The following OXNAD1 variants were observed in gnomAD, a reference collection of about 807,000 sequenced individuals.
OXNAD1 encodes the protein oxidoreductase NAD binding domain containing 1, also known as oxidoreductase NAD-binding domain-containing protein 1.
OXNAD1 carries 34 observed loss-of-function variants against 32.9 expected under a neutral mutation model. The observed-to-expected ratio is 1.03, with a 90% confidence interval of 0.79 to 1.38. OXNAD1 has a LOEUF of 1.38. OXNAD1 is among the 40% of genes most tolerant of loss of function. OXNAD1 has a pLI of 0.00. For missense variants in OXNAD1, 407 were observed against 379.4 expected (o/e 1.07, Z -0.60); for synonymous variants, 134 against 135.2 (o/e 0.99, Z 0.06).
At position 16,342,411 on chromosome 3, in the gene OXNAD1, A is replaced by G. The variant is rs1313194235; in HGVS notation, c.*31-6765A>G. Among the ~76,000 whole-genome samples, 1 of 152,244 alleles carries G rather than the reference A, an allele frequency of 6.6e-6. No homozygotes were observed. The highest frequency in any genetic ancestry group is 6.5e-5 in the Admixed American group (1 of 15,284). Reference sequence around the variant, plus strand: ...CAAAATAATATTCCATCATATGGATATACCATAGTTTATTCATCATTTGAT... The same window carrying G: ...CAAAATAATATTCCATCATATGGATGTACCATAGTTTATTCATCATTTGAT... On this transcript the variant is annotated intron_variant, in intron 9 of 9. Coordinates refer to the OXNAD1 transcript ENST00000606098. This position sits in a 1 kb window ranked among gnomAD's most constrained non-coding sequence, Gnocchi z 4.0.
At chr3:16,350,492 CTTT>C (rs11324617), downstream of OXNAD1, among the ~76,000 whole-genome samples, 5 of 146,542 alleles carry the variant, frequency 3.4e-5, no homozygotes, top group South Asian at 2.2e-4. Context: ...AGATGAATCA[CTTT>C]TTTTTTTTTT....
At position 16,270,181 on chromosome 3, in the gene OXNAD1, C is replaced by T. The variant is rs1192480388; in HGVS notation, c.-8-764C>T. The stretch of plus-strand genomic sequence containing the variant: ...CACCCAGATTAAGAAGCAACATTGT[C>T]ACTACCACCTCCCAAGGGAAATTGC... On this transcript the variant is annotated intron_variant, in intron 2 of 8. Coordinates refer to ENST00000285083, the MANE Select transcript of OXNAD1 (RefSeq NM_138381.5). Among the ~76,000 whole-genome samples, 5 of 152,244 alleles carry T rather than the reference C, an allele frequency of 3.3e-5. No homozygotes were observed. The East Asian group carries it at 5.8e-4, about 18-fold the overall frequency.
chr3:16,326,885 A>G (rs1395418132), intron 9 of OXNAD1: 1 of 1,610,436 alleles, frequency 6.2e-7, no homozygotes, highest in Non-Finnish European at 8.5e-7. Flanking sequence ...CCCTGGGGGA[A>G]CAAGGCCAGC....
In OXNAD1 at chr3:16,345,574, C is replaced by A. The variant is rs13068487; in HGVS notation, c.*31-3602C>A. The stretch of plus-strand genomic sequence containing the variant: ...GGGTGGAGGAAGGCTGAATTAACAC[C>A]GCCTGACTGCTTGAACAGGAACGTC... On this transcript the variant is annotated intron_variant, in intron 9 of 9. Coordinates refer to the OXNAD1 transcript ENST00000606098. The surrounding 1 kb of genome is among the most constrained non-coding windows in gnomAD (Gnocchi z 5.2). 6.6e-6 allele frequency among the ~76,000 whole-genome samples: 1 copy of A among 152,008 alleles called. No homozygotes were observed. Among genetic ancestry groups the A allele is most frequent in the Admixed American group, 6.5e-5 (1 of 15,278 alleles).
Position 16,265,903 on chromosome 3 carries a change from G to T in OXNAD1, c.-159+398G>T. On this transcript the variant is annotated intron_variant, in intron 1 of 8. Transcript: ENST00000285083. This position sits in a 1 kb window ranked among gnomAD's most constrained non-coding sequence, Gnocchi z 4.8. ...GTTGTGAAAGAAATGGTGTCAGTAG[G>T]CAGGTTTATCAGTGTGAGGCCTATG... The T allele has an allele frequency of 1.0e-6, 1 of 985,198 alleles. No individual in the cohort carries two copies. Among genetic ancestry groups the T allele is most frequent in the Non-Finnish European group, 1.2e-6 (1 of 829,722 alleles). 61.0% of individuals were successfully genotyped at this position (985,198 alleles called of 1,614,324 possible). A position where few individuals can be genotyped will look rare whatever the true frequency, so the allele number is the denominator to read the frequency against.
In OXNAD1 at chr3:16,304,705, G is replaced by A. The variant is rs189335902; in HGVS notation, c.*1143G>A. ...GGTTGCCTGCATAGAGATCACAGGA[G>A]GGTGAAGGGAGCCTGGGAAGAAGGA... On this transcript the variant is annotated 3_prime_UTR_variant, in exon 9 of 9. Transcript: ENST00000285083. This position sits in a 1 kb window ranked among gnomAD's most constrained non-coding sequence, Gnocchi z 4.6. 8 of 152,432 alleles carry A rather than the reference G, an allele frequency of 5.2e-5. No homozygotes were observed. Among genetic ancestry groups the A allele is most frequent in the Admixed American group, 3.3e-4 (5 of 15,312 alleles). The allele number at this position is 152,432 out of a possible 1,614,324, so 9.4% of individuals were successfully genotyped here. A position where few individuals can be genotyped will look rare whatever the true frequency, so the allele number is the denominator to read the frequency against.
Position 16,271,590 on chromosome 3 carries a change from C to A in OXNAD1, c.120-69C>A. On this transcript the variant is annotated intron_variant, in intron 3 of 8. Coordinates refer to ENST00000285083, the MANE Select transcript of OXNAD1 (RefSeq NM_138381.5). This position sits in a 1 kb window ranked among gnomAD's most constrained non-coding sequence, Gnocchi z 4.6. ...TGTATTTAGGATAACCATGATATTTCAGGAAAAACTAATTTTATTATTTTT... is the reference window on the plus strand; with the variant it reads ...TGTATTTAGGATAACCATGATATTTAAGGAAAAACTAATTTTATTATTTTT... 1.6e-6 allele frequency: 2 copies of A among 1,267,752 alleles called. No homozygotes were observed. The highest frequency in any genetic ancestry group is 2.2e-6 in the Non-Finnish European group (2 of 908,148). 78.5% of individuals were successfully genotyped at this position (1,267,752 alleles called of 1,614,324 possible). A position where few individuals can be genotyped will look rare whatever the true frequency, so the allele number is the denominator to read the frequency against.
rs1418652828 is a variant in OXNAD1, at chr3:16,329,764, C to CT, written c.*31-7345dup. 6.6e-6 allele frequency among the ~76,000 whole-genome samples: 1 copy of CT among 152,140 alleles called. No homozygotes were observed. Among genetic ancestry groups the CT allele is most frequent in the Non-Finnish European group, 1.5e-5 (1 of 68,016 alleles). ...GGGCCTATCAAGAATAACCTTCCCA[C>CT]TTTATCAAGCACTGTGACAAACCCG... On this transcript the variant is annotated intron_variant, in intron 9 of 9. Transcript: ENST00000435829. The surrounding 1 kb of genome is among the most constrained non-coding windows in gnomAD (Gnocchi z 4.5).
chr3:16,290,607 T>C lies in OXNAD1; in HGVS notation c.290+4159T>C, dbSNP rs2066367385. 6.6e-6 allele frequency among the ~76,000 whole-genome samples: 1 copy of C among 152,236 alleles called. No homozygotes were observed. Among genetic ancestry groups the C allele is most frequent in the Non-Finnish European group, 1.5e-5 (1 of 68,030 alleles). On this transcript the variant is annotated intron_variant, in intron 5 of 8. Transcript: ENST00000285083. This position sits in a 1 kb window ranked among gnomAD's most constrained non-coding sequence, Gnocchi z 4.2. ...TGTATACCTCCTCTGTGATAGCATA[T>C]AGCAACTGTGTTAACAAATGCTAAC... is the stretch of plus-strand genomic sequence containing the variant.
At chr3:16,270,387 CTG>C (rs1454707220) in intron 2 of OXNAD1, among the ~76,000 whole-genome samples, 1 of 152,178 alleles carries the variant, frequency 6.6e-6, no homozygotes, top group Non-Finnish European at 1.5e-5. Context: ...GTATATCTTA[CTG>C]TGTGAATGTA....
Position 16,302,015 on chromosome 3 carries a change from A to C in OXNAD1, c.675+147A>C. Reference sequence around the variant, plus strand: ...ATCATGCTTAAATGAGAACTAACCAACACACCTTACCCAAGACAAGTAAAA... The same window carrying C: ...ATCATGCTTAAATGAGAACTAACCACCACACCTTACCCAAGACAAGTAAAA... On this transcript the variant is annotated intron_variant, in intron 7 of 8. Coordinates refer to ENST00000285083, the MANE Select transcript of OXNAD1 (RefSeq NM_138381.5). This position sits in a 1 kb window ranked among gnomAD's most constrained non-coding sequence, Gnocchi z 4.2. The C allele has an allele frequency of 9.7e-7, 1 of 1,026,524 alleles. No individual in the cohort carries two copies. The highest frequency in any genetic ancestry group is 1.4e-6 in the Non-Finnish European group (1 of 721,770). The allele number at this position is 1,026,524 out of a possible 1,614,324, so 63.6% of individuals were successfully genotyped here.
chr3:16,272,194 G>C (rs1403532492), intron 4 of OXNAD1: 1 of 452,036 alleles, frequency 2.2e-6, no homozygotes, highest in East Asian at 7.0e-5. Flanking sequence ...AGAAAGGAAA[G>C]TGGACGAGCT....
At chr3:16,323,051 C>G (rs1027142411) in intron 9 of OXNAD1, among the ~76,000 whole-genome samples, 1 of 152,184 alleles carries the variant, frequency 6.6e-6, no homozygotes, top group African/African-American at 2.4e-5. Context: ...GCCATCCCCA[C>G]CCCATGGTCA....
rs985657527 is a variant in OXNAD1 at position 16,335,158 on chromosome 3, C to G, written c.*31-1954C>G. ...TCACTAAATCTGTGATTTGTTGCCG[C>G]AGCAACAGGAAATTAATCCACAGCT... On this transcript the variant is annotated intron_variant, in intron 9 of 9. Transcript: ENST00000435829. This position sits in a 1 kb window ranked among gnomAD's most constrained non-coding sequence, Gnocchi z 4.7. Among the ~76,000 whole-genome samples the G allele has an allele frequency of 5.9e-5, 9 of 152,224 alleles. No homozygotes were observed. The highest frequency in any genetic ancestry group is 8.8e-5 in the Non-Finnish European group (6 of 68,048).
At position 16,265,829 on chromosome 3, in the gene OXNAD1, T is replaced by C. The variant is rs2064451476; in HGVS notation, c.-159+324T>C. On this transcript the variant is annotated intron_variant, in intron 1 of 8. Transcript: ENST00000285083. This position sits in a 1 kb window ranked among gnomAD's most constrained non-coding sequence, Gnocchi z 4.8. The stretch of plus-strand genomic sequence containing the variant: ...CCTGGGAAATAATGAAGAGCTTGTC[T>C]GTCTCCAAAGCCCAGGAACAAATTA... 1 of 978,986 alleles carries C rather than the reference T, an allele frequency of 1.0e-6. No individual in the cohort carries two copies. The highest frequency in any genetic ancestry group is 6.2e-5 in the Admixed American group (1 of 16,258). The allele number at this position is 978,986 out of a possible 1,614,324, so 60.6% of individuals were successfully genotyped here.
At chr3:16,324,578 G>A (rs1342240922) in intron 9 of OXNAD1, among the ~76,000 whole-genome samples, 1 of 147,120 alleles carries the variant, frequency 6.8e-6, no homozygotes, top group Non-Finnish European at 1.5e-5. Flanking sequence ...GTGTCTTCCA[G>A]GCTCATCCTT....
intron 1 of OXNAD1, among the ~76,000 whole-genome samples, chr3:16,266,716 A>ACCT (rs1424199476): frequency 6.6e-6 from 1 of 152,116 alleles, no homozygotes; most frequent in Middle Eastern, 3.2e-3. Flanking sequence ...GCAATACCAA[A>ACCT]CCTCCACCTC....
At chr3:16,351,588 C>A (rs2072107205), downstream of OXNAD1, among the ~76,000 whole-genome samples, 1 of 152,152 alleles carries the variant, frequency 6.6e-6, no homozygotes, top group Admixed American at 6.5e-5. This position sits in a 1 kb window ranked among gnomAD's most constrained non-coding sequence, Gnocchi z 5.4. Context: ...TACAAGTCCA[C>A]CCTGACAGAA....
chr3:16,286,259 A>G, intron 4 of OXNAD1, 83 bp from the exon 5 acceptor site: 1 of 1,097,948 alleles, frequency 9.1e-7, no homozygotes, highest in Non-Finnish European at 1.4e-6. Context: ...AGGTTTCAAA[A>G]ACCTTAGTTC....
Sources: gnomAD v4.1 joint callset for allele counts (sites outside exome capture counted in the v4.1 genomes callset) on GRCh38, gnomAD v4.1.1 for gene constraint, Gnocchi (gnomAD v3.1) non-coding constraint, MANE v1.5 for transcripts, NCBI Gene and HGNC (gene_info 2026-07-23, HGNC 2026-07-21) for gene names.